Variants in MAP1LC3B observed in about 807,000 individuals in gnomAD.
MAP1LC3B encodes the protein microtubule associated protein 1 light chain 3 beta, also known as microtubule-associated protein 1 light chain 3 beta.
MAP1LC3B carries 12 observed loss-of-function variants against 16.7 expected under a neutral mutation model. That is an observed-to-expected ratio of 0.72 (90% CI 0.46 to 1.16). The LOEUF (loss-of-function observed/expected upper bound fraction) is 1.16, where lower values mean the gene tolerates loss of function less well. Ranked by LOEUF, MAP1LC3B falls within the 50% of genes most tolerant of loss-of-function variation. The probability of loss-of-function intolerance (pLI) is 0.00; values close to 1 mark genes in which losing one functional copy is unlikely to be tolerated. For synonymous variants in MAP1LC3B, 63 were observed against 56.5 expected (o/e 1.11, Z -0.51); for missense variants, 155 against 159.5 (o/e 0.97, Z 0.15).
chr16:87,402,261 T>C lies in MAP1LC3B; in HGVS notation c.183T>C (p.Ser61=). 6.2e-7 allele frequency: 1 copy of C among 1,614,052 alleles called. No individual in the cohort carries two copies. Among genetic ancestry groups the C allele is most frequent in the Non-Finnish European group, 8.5e-7 (1 of 1,179,950 alleles). ...KFLVPDHVNM[S]ELIKIIRRRL... ...TTGTACCTGACCATGTCAACATGAGTGAGCTCATCAAGATAATTAGGTATT... is the reference window on the plus strand; with the variant it reads ...TTGTACCTGACCATGTCAACATGAGCGAGCTCATCAAGATAATTAGGTATT... Residue 61 remains serine (S), a synonymous_variant, in exon 3 of 4, where the codon AGT becomes AGC. Transcript: ENST00000268607.
intron 1 of MAP1LC3B, among the ~76,000 whole-genome samples, chr16:87,394,251 A>C (rs531401968): frequency 6.0e-5 from 9 of 148,824 alleles, no homozygotes; most frequent in Admixed American, 3.5e-4. Context: ...AACAGCTGTT[A>C]CCTTTCCTTG....
intron 2 of MAP1LC3B, chr16:87,399,534 C>T: frequency 4.5e-6 from 2 of 442,758 alleles, no homozygotes; most frequent in Admixed American, 2.6e-5. Context: ...AAGCATTTTT[C>T]TTTCCCAAAG....
intron 1 of MAP1LC3B, among the ~76,000 whole-genome samples, chr16:87,397,835 C>G (rs1892543945): frequency 6.6e-6 from 1 of 150,884 alleles, no homozygotes; most frequent in African/African-American, 2.4e-5. Context: ...ATAATGCCAT[C>G]TAAGTCATAT....
chr16:87,392,984 A>C (rs755739239), intron 1 of MAP1LC3B: 2 of 152,226 alleles, frequency 1.3e-5, no homozygotes, highest in Non-Finnish European at 2.9e-5. Context: ...CCCGGGTGCG[A>C]GTGCCTCTTA....
chr16:87,404,176 C>G lies in MAP1LC3B; in HGVS notation c.*1079C>G, dbSNP rs1381774800. ...TGTGGAGAAAACATAGCAAAAAGAG[C>G]CGTACGCTCTTTACAGATACTAATG... On this transcript the variant is annotated 3_prime_UTR_variant, in exon 4 of 4. Transcript: ENST00000268607. 6.6e-6 allele frequency: 1 copy of G among 152,134 alleles called. No homozygotes were observed. The highest frequency in any genetic ancestry group is 2.4e-5 in the African/African-American group (1 of 41,418). 9.4% of individuals were successfully genotyped at this position (152,134 alleles called of 1,614,324 possible). A position where few individuals can be genotyped will look rare whatever the true frequency, so the allele number is the denominator to read the frequency against.
chr16:87,393,169 C>T (rs1597387703), intron 1 of MAP1LC3B: 1 of 152,304 alleles, frequency 6.6e-6, no homozygotes, highest in African/African-American at 2.4e-5. Flanking sequence ...ATACCGAATA[C>T]ATCCCTTTTC....
rs1288231808 is a variant in MAP1LC3B, at chr16:87,404,022, A to T, written c.*925A>T. On this transcript the variant is annotated 3_prime_UTR_variant, in exon 4 of 4. Coordinates refer to ENST00000268607, the MANE Select transcript of MAP1LC3B (RefSeq NM_022818.5). ...TCCGGCTTAAAGCTGTGGATGATCC[A>T]CGTTTTTGTTTTTTTAATGTTAAAT... 4.6e-5 allele frequency: 7 copies of T among 151,922 alleles called. No individual in the cohort carries two copies. Among genetic ancestry groups the T allele is most frequent in the Non-Finnish European group, 8.8e-5 (6 of 67,974 alleles). The allele number at this position is 151,922 out of a possible 1,614,324, so 9.4% of individuals were successfully genotyped here.
rs1394642195 is a variant in MAP1LC3B at position 87,392,538 on chromosome 16, G to T, written c.40+71G>T. On this transcript the variant is annotated intron_variant, in intron 1 of 3. Coordinates refer to ENST00000268607, the MANE Select transcript of MAP1LC3B (RefSeq NM_022818.5). ...GAGCTGTGGAGGGCGGCAGGGCCTG[G>T]GACGCCGTGAGGGGTCGGGGCCGAG... 1.3e-5 allele frequency: 16 copies of T among 1,216,096 alleles called. No individual in the cohort carries two copies. In the East Asian group the frequency reaches 5.1e-4, roughly 39 times the overall value. 75.3% of individuals were successfully genotyped at this position (1,216,096 alleles called of 1,614,324 possible).
intron 1 of MAP1LC3B, among the ~76,000 whole-genome samples, chr16:87,398,024 A>G: frequency 6.6e-6 from 1 of 151,354 alleles, no homozygotes; most frequent in East Asian, 1.9e-4. Flanking sequence ...GGGAGAAAAG[A>G]ATTTTTTTTT....
intron 1 of MAP1LC3B, among the ~76,000 whole-genome samples, chr16:87,397,102 A>G (rs1274009049): frequency 6.6e-6 from 1 of 152,084 alleles, no homozygotes; most frequent in Non-Finnish European, 1.5e-5. Flanking sequence ...CTGGGGTTAC[A>G]GGCATGAGCC....
chr16:87,401,846 T>G (rs1003586747), intron 2 of MAP1LC3B, among the ~76,000 whole-genome samples: 1 of 151,928 alleles, frequency 6.6e-6, no homozygotes, highest in Non-Finnish European at 1.5e-5. Context: ...CTTTTTTTTT[T>G]TTTTGAGATG....
intron 3 of MAP1LC3B, chr16:87,402,708 C>G: frequency 3.2e-6 from 2 of 626,348 alleles, no homozygotes; most frequent in South Asian, 4.0e-5. Context: ...AGACAGTATA[C>G]TAGTTTAAAA....
intron 2 of MAP1LC3B, among the ~76,000 whole-genome samples, chr16:87,401,123 ACT>A (rs1240110816): frequency 3.5e-5 from 4 of 115,140 alleles, no homozygotes; most frequent in African/African-American, 1.2e-4. Flanking sequence ...ACAGAGCAAG[ACT>A]CTGTCTCAAA....
At position 87,403,375 on chromosome 16, in the gene MAP1LC3B, C is replaced by T. The variant is rs1908065251; in HGVS notation, c.*278C>T. 1 of 261,108 alleles carries T rather than the reference C, an allele frequency of 3.8e-6. No individual in the cohort carries two copies. The highest frequency in any genetic ancestry group is 7.8e-6 in the Non-Finnish European group (1 of 128,484). The allele number at this position is 261,108 out of a possible 1,614,324, so 16.2% of individuals were successfully genotyped here. A position where few individuals can be genotyped will look rare whatever the true frequency, so the allele number is the denominator to read the frequency against. On this transcript the variant is annotated 3_prime_UTR_variant, in exon 4 of 4. Transcript: ENST00000268607. ...TAAAATACTTTGCATTCTAAGTTGCCAATAAAATAGACCTTCAAGTTATTT... is the reference window on the plus strand; with the variant it reads ...TAAAATACTTTGCATTCTAAGTTGCTAATAAAATAGACCTTCAAGTTATTT...
intron 2 of MAP1LC3B, among the ~76,000 whole-genome samples, chr16:87,401,628 G>A (rs746665224): frequency 1.3e-5 from 2 of 152,126 alleles, no homozygotes; most frequent in Non-Finnish European, 2.9e-5. Flanking sequence ...CGCCTCCTAG[G>A]TTCAAGCTTG....
intron 1 of MAP1LC3B, among the ~76,000 whole-genome samples, chr16:87,393,925 C>G (rs896086454): frequency 6.6e-6 from 1 of 152,124 alleles, no homozygotes; most frequent in Non-Finnish European, 1.5e-5. Context: ...GAGAGATGCC[C>G]TTTTTCTCAT....
chr16:87,394,502 C>G (rs1000551172), intron 1 of MAP1LC3B, among the ~76,000 whole-genome samples: 11 of 152,176 alleles, frequency 7.2e-5, no homozygotes, highest in African/African-American at 2.7e-4. Context: ...ATAAACTCTA[C>G]CAGGATTGAC....
At chr16:87,395,657 G>A (rs559605497) in intron 1 of MAP1LC3B, among the ~76,000 whole-genome samples, 75 of 152,252 alleles carry the variant, frequency 4.9e-4, no homozygotes, top group African/African-American at 1.7e-3. Context: ...GTGCTAAGAT[G>A]CTCCTATGGG....
chr16:87,404,030 G>T lies in MAP1LC3B; in HGVS notation c.*933G>T, dbSNP rs1908088055. 2 of 152,054 alleles carry T rather than the reference G, an allele frequency of 1.3e-5. No homozygotes were observed. The highest frequency in any genetic ancestry group is 2.9e-5 in the Non-Finnish European group (2 of 68,012). 9.4% of individuals were successfully genotyped at this position (152,054 alleles called of 1,614,324 possible). A position where few individuals can be genotyped will look rare whatever the true frequency, so the allele number is the denominator to read the frequency against. ...AAAGCTGTGGATGATCCACGTTTTT[G>T]TTTTTTTAATGTTAAATGTGTAACT... On this transcript the variant is annotated 3_prime_UTR_variant, in exon 4 of 4. Coordinates refer to ENST00000268607, the MANE Select transcript of MAP1LC3B (RefSeq NM_022818.5).
Sources: allele counts gnomAD v4.1 joint callset (sites outside exome capture counted in the v4.1 genomes callset), GRCh38; gene constraint gnomAD v4.1.1; transcripts MANE v1.5; gene names NCBI Gene and HGNC (gene_info 2026-07-23, HGNC 2026-07-21).